The following SRBD1 variants were observed in gnomAD, a reference collection of about 807,000 sequenced individuals.
The protein encoded by SRBD1 is S1 RNA binding domain 1, also known as S1 RNA-binding domain-containing protein 1.
SRBD1 carries 88 observed loss-of-function variants against 115.3 expected under a neutral mutation model. That is an observed-to-expected ratio of 0.76 (90% CI 0.64 to 0.91). The LOEUF is 0.91. Among genes scored for constraint, SRBD1 ranks in the 40% least tolerant of loss-of-function variants. The probability of loss-of-function intolerance (pLI) is 0.00; values close to 1 mark genes in which losing one functional copy is unlikely to be tolerated. For missense variants in SRBD1, 1,385 were observed against 1,177.4 expected, an observed-to-expected ratio of 1.18 and a Z score of -2.58; for synonymous variants, 509 against 407.7, an observed-to-expected ratio of 1.25 and a Z score of -2.99.
intron 12 of SRBD1, among the ~76,000 whole-genome samples, chr2:45,548,631 G>A (rs1053369671): frequency 6.6e-6 from 1 of 150,444 alleles, no homozygotes; most frequent in Non-Finnish European, 1.5e-5. Context: ...AGGAAAGTGT[G>A]ACTTGACATT....
At chr2:45,430,141 C>CACAA (rs954167761) in intron 16 of SRBD1, among the ~76,000 whole-genome samples, 1 of 152,080 alleles carries the variant, frequency 6.6e-6, no homozygotes, top group African/African-American at 2.4e-5. Flanking sequence ...AAAGACAGGA[C>CACAA]ACAAACAAAC....
At chr2:45,424,948 T>C (rs72616981) in intron 16 of SRBD1, among the ~76,000 whole-genome samples, 6,851 of 152,302 alleles carry the variant, frequency 0.045, 300 homozygotes, top group East Asian at 0.14. Context: ...TATCATGGGA[T>C]GGCACTAGCT....
At chr2:45,588,829 T>G (rs1267614195) in intron 4 of SRBD1, among the ~76,000 whole-genome samples, 1 of 152,210 alleles carries the variant, frequency 6.6e-6, no homozygotes, top group African/African-American at 2.4e-5. Context: ...AAGAGAATAG[T>G]AGATTGTTTC....
At chr2:45,568,873 T>C (rs577074959) in intron 9 of SRBD1, among the ~76,000 whole-genome samples, 57 of 152,376 alleles carry the variant, frequency 3.7e-4, no homozygotes, top group Admixed American at 2.8e-3. Flanking sequence ...GTTATACCTG[T>C]ATCAGTAGAC....
At chr2:45,577,126 A>G (rs188664801) in intron 7 of SRBD1, among the ~76,000 whole-genome samples, 1 of 152,350 alleles carries the variant, frequency 6.6e-6, no homozygotes, top group East Asian at 1.9e-4. Context: ...AAATGCCTTG[A>G]GCTACTTCTA....
intron 16 of SRBD1, among the ~76,000 whole-genome samples, chr2:45,433,018 G>C (rs866793710): frequency 4.3e-4 from 66 of 152,120 alleles, no homozygotes; most frequent in African/African-American, 1.5e-3. Context: ...ACAGTTTCTA[G>C]AACAACAAAA....
intron 16 of SRBD1, among the ~76,000 whole-genome samples, chr2:45,438,946 G>A (rs972645106): frequency 2.0e-5 from 3 of 152,034 alleles, no homozygotes; most frequent in Non-Finnish European, 4.4e-5. Flanking sequence ...TCAAACTGCT[G>A]GAAAACAAAG....
chr2:45,475,378 A>G (rs1669774483), intron 16 of SRBD1, among the ~76,000 whole-genome samples: 1 of 152,176 alleles, frequency 6.6e-6, no homozygotes, highest in African/African-American at 2.4e-5. Flanking sequence ...TTCCCAGATC[A>G]GCCAGAGCCA....
At chr2:45,420,802 C>T (rs529630324) in intron 16 of SRBD1, among the ~76,000 whole-genome samples, 2 of 152,338 alleles carry the variant, frequency 1.3e-5, no homozygotes, top group East Asian at 3.9e-4. Context: ...TTTCAAGCTT[C>T]AGATGCACAT....
intron 14 of SRBD1, among the ~76,000 whole-genome samples, chr2:45,506,466 T>G (rs1670800826): frequency 6.6e-6 from 1 of 152,158 alleles, no homozygotes; most frequent in African/African-American, 2.4e-5. Flanking sequence ...ATCTTCTAAT[T>G]CTCTCACAGA....
At chr2:45,406,377 G>C (rs541479593) in intron 19 of SRBD1, among the ~76,000 whole-genome samples, 5 of 152,176 alleles carry the variant, frequency 3.3e-5, no homozygotes, top group African/African-American at 4.8e-5. Flanking sequence ...ACAAGTAAAA[G>C]GAATTTAGAA....
At chr2:45,472,956 G>T (rs1442875692) in intron 16 of SRBD1, among the ~76,000 whole-genome samples, 5 of 148,040 alleles carry the variant, frequency 3.4e-5, no homozygotes, top group East Asian at 2.0e-4. Flanking sequence ...TATCAAGGTT[G>T]TTTTTTTTTT....
chr2:45,440,809 A>AGG (rs1668646949), intron 16 of SRBD1, among the ~76,000 whole-genome samples: 1 of 152,176 alleles, frequency 6.6e-6, no homozygotes, highest in Non-Finnish European at 1.5e-5. Context: ...AGAAAGAGAG[A>AGG]GACAGAAATA....
At chr2:45,395,242 T>A (rs1667111111) in intron 19 of SRBD1, among the ~76,000 whole-genome samples, 3 of 152,248 alleles carry the variant, frequency 2.0e-5, no homozygotes, top group African/African-American at 7.2e-5. Flanking sequence ...TGACAGAATG[T>A]ATACTAATGC....
In SRBD1 at chr2:45,448,715, T is replaced by A. The variant is rs1376958529; in HGVS notation, c.2049+28278A>T. Among the ~76,000 whole-genome samples, 9 of 152,224 alleles carry A rather than the reference T, an allele frequency of 5.9e-5. 1 individual carries two copies. Among genetic ancestry groups the A allele is most frequent in the Admixed American group, 2.0e-4 (3 of 15,282 alleles). ...TTCACCTCTTGAACTAGGGCCATTA[T>A]TCAAGAACTGAAGCTACCCTGAAAG... On this transcript the variant is annotated intron_variant, in intron 16 of 20. Coordinates refer to ENST00000263736, the MANE Select transcript of SRBD1 (RefSeq NM_018079.5).
Position 45,488,310 on chromosome 2 carries a change from T to C in SRBD1, c.1896A>G (p.Ala632=), listed in dbSNP as rs749802389. The change falls in exon 15 of 21, where the codon GCA becomes GCG. Residue 632 remains alanine (A), a synonymous_variant. Transcript: ENST00000263736. ...CTTCAGGGCTGACACTGTAGATTGA[T>C]GCTCCTGCTTCACTGACGATACTGA... ...VVYCIVSEAG[A]SIYSVSPEAN... The C allele has an allele frequency of 6.2e-7, 1 of 1,613,870 alleles. No homozygotes were observed. The highest frequency in any genetic ancestry group is 1.1e-5 in the South Asian group (1 of 91,054).
At chr2:45,491,458 G>A (rs1199314620) in intron 14 of SRBD1, among the ~76,000 whole-genome samples, 1 of 152,168 alleles carries the variant, frequency 6.6e-6, no homozygotes, top group African/African-American at 2.4e-5. Flanking sequence ...AACTGCCACA[G>A]TTGTAATTCA....
At chr2:45,486,068 T>C (rs950923348) in intron 15 of SRBD1, among the ~76,000 whole-genome samples, 11 of 152,202 alleles carry the variant, frequency 7.2e-5, no homozygotes, top group Non-Finnish European at 1.0e-4. Context: ...TTAGAGTAAT[T>C]AGAATCATAG....
rs1162398766 is a variant in SRBD1 at position 45,423,591 on chromosome 2, TAC to T, written c.2050-3699_2050-3698del. Reference sequence around the variant, plus strand: ...CCCAACAAAAAAAAGTTCAGAACCATACAGTTTCATTGGTGAATTCTACCAAA... The same window carrying T: ...CCCAACAAAAAAAAGTTCAGAACCATAGTTTCATTGGTGAATTCTACCAAA... On this transcript the variant is annotated intron_variant, in intron 16 of 20. Transcript: ENST00000263736. Among the ~76,000 whole-genome samples, 4 of 152,158 alleles carry T rather than the reference TAC, an allele frequency of 2.6e-5. No individual in the cohort carries two copies. The East Asian group carries it at 7.7e-4, about 29-fold the overall frequency.
Sources: allele counts gnomAD v4.1 joint callset (sites outside exome capture counted in the v4.1 genomes callset), GRCh38; gene constraint gnomAD v4.1.1; transcripts MANE v1.5; gene names NCBI Gene and HGNC (gene_info 2026-07-23, HGNC 2026-07-21).